SGCG: variants seen among roughly 807,000 people sequenced by gnomAD.
SGCG encodes sarcoglycan gamma.
SGCG carries 26 observed loss-of-function variants against 29.3 expected under a neutral mutation model. That is an observed-to-expected ratio of 0.89 (90% confidence interval 0.65 to 1.23). The LOEUF is 1.23. Among genes scored for constraint, SGCG ranks in the 50% most tolerant of loss-of-function variants. The pLI is 0.00. For missense variants in SGCG, 353 were observed against 356.0 expected (o/e 0.99, Z 0.07); for synonymous variants, 145 against 129.7 (o/e 1.12, Z -0.80).
At chr13:23,277,386 A>G (rs928559474) in intron 4 of SGCG, among the ~76,000 whole-genome samples, 3 of 149,300 alleles carry the variant, frequency 2.0e-5, no homozygotes, top group African/African-American at 7.4e-5. Context: ...ATAACATTAC[A>G]AATACCAAAA....
chr13:23,309,951 G>A (rs1397287214), intron 6 of SGCG, among the ~76,000 whole-genome samples: 1 of 151,606 alleles, frequency 6.6e-6, no homozygotes, highest in African/African-American at 2.4e-5. Flanking sequence ...ATTCATAAAT[G>A]TTTATGCTAA....
intron 2 of SGCG, among the ~76,000 whole-genome samples, chr13:23,220,365 G>A (rs1878609683): frequency 6.6e-6 from 1 of 152,146 alleles, no homozygotes; most frequent in Non-Finnish European, 1.5e-5. Flanking sequence ...CAGGAGAATT[G>A]CCTGAGCCAG....
At chr13:23,238,659 T>A (rs887777759) in intron 3 of SGCG, among the ~76,000 whole-genome samples, 5 of 152,098 alleles carry the variant, frequency 3.3e-5, no homozygotes, top group Admixed American at 3.3e-4. Flanking sequence ...ATTTGCTCCA[T>A]CCCAGAACAG....
At chr13:23,211,692 A>G (rs1387709697) in intron 2 of SGCG, among the ~76,000 whole-genome samples, 3 of 152,172 alleles carry the variant, frequency 2.0e-5, no homozygotes, top group Non-Finnish European at 4.4e-5. Context: ...TCTTGACCGC[A>G]GGCTGGGCAC....
chr13:23,193,010 A>G (rs777591177), intron 1 of SGCG, among the ~76,000 whole-genome samples: 117 of 152,292 alleles, frequency 7.7e-4, no homozygotes, highest in Non-Finnish European at 1.3e-3. Flanking sequence ...ATTATGTCCT[A>G]AAAGGAACTT....
chr13:23,265,327 C>T (rs1266286589), intron 4 of SGCG, among the ~76,000 whole-genome samples: 1 of 152,034 alleles, frequency 6.6e-6, no homozygotes, highest in Non-Finnish European at 1.5e-5. Context: ...GCCTGTAATC[C>T]CAGCACTTTG....
At chr13:23,290,557 A>C (rs1047877313) in intron 5 of SGCG, among the ~76,000 whole-genome samples, 1 of 152,162 alleles carries the variant, frequency 6.6e-6, no homozygotes, top group African/African-American at 2.4e-5. Context: ...TTTTCATTGG[A>C]GTAATAAAGG....
chr13:23,259,376 A>G (rs189714821), intron 4 of SGCG, among the ~76,000 whole-genome samples: 150 of 152,140 alleles, frequency 9.9e-4, no homozygotes, highest in Admixed American at 2.4e-3. Context: ...TTTCTGTGGG[A>G]TCGGTGGAGA....
At chr13:23,282,845 G>A (rs751938727) in intron 5 of SGCG, among the ~76,000 whole-genome samples, 6 of 152,126 alleles carry the variant, frequency 3.9e-5, no homozygotes, top group Admixed American at 1.3e-4. Context: ...GACATTTAGC[G>A]GCATTCTTAG....
the SGCG span, among the ~76,000 whole-genome samples, chr13:23,166,871 T>C: frequency 6.6e-6 from 1 of 152,366 alleles, no homozygotes; most frequent in African/African-American, 2.4e-5. Context: ...TCATAGAGAA[T>C]GGGGTATCCA....
At chr13:23,282,651 G>T (rs1401921339) in intron 5 of SGCG, among the ~76,000 whole-genome samples, 1 of 152,174 alleles carries the variant, frequency 6.6e-6, no homozygotes, top group Admixed American at 6.5e-5. Flanking sequence ...GTCCCTAGAA[G>T]GGCATGCATG....
At chr13:23,310,237 C>T (rs1440661532) in intron 6 of SGCG, among the ~76,000 whole-genome samples, 2 of 151,766 alleles carry the variant, frequency 1.3e-5, no homozygotes, top group Admixed American at 6.6e-5. Flanking sequence ...CAGGCGCCCG[C>T]CACCACACCC....
intron 2 of SGCG, among the ~76,000 whole-genome samples, chr13:23,211,951 G>A (rs1240802451): frequency 3.3e-5 from 5 of 152,086 alleles, no homozygotes; most frequent in Non-Finnish European, 7.3e-5. Flanking sequence ...TGGATCATGG[G>A]GGCAGGTCCT....
At chr13:23,243,493 G>A (rs1190264918) in intron 3 of SGCG, 1 of 152,270 alleles carries the variant, frequency 6.6e-6, no homozygotes, top group African/African-American at 2.4e-5. Context: ...AAGACAGTCT[G>A]AGAAAGCAGG....
intron 1 of SGCG, among the ~76,000 whole-genome samples, chr13:23,190,710 T>C (rs1877212937): frequency 1.3e-5 from 2 of 152,206 alleles, no homozygotes; most frequent in African/African-American, 4.8e-5. Context: ...ACCCACTATA[T>C]TTACAATCCA....
intron 3 of SGCG, among the ~76,000 whole-genome samples, chr13:23,241,938 C>G (rs369728275): frequency 6.6e-6 from 1 of 151,916 alleles, no homozygotes; most frequent in Non-Finnish European, 1.5e-5. Context: ...GAGAAGAAAT[C>G]AACAAAATAG....
chr13:23,175,563 C>T, the SGCG span, among the ~76,000 whole-genome samples: 44 of 152,162 alleles, frequency 2.9e-4, no homozygotes, highest in Admixed American at 1.5e-3. Flanking sequence ...TAACATAATA[C>T]GGAAATTTTA....
chr13:23,262,159 C>T (rs1880463523), intron 4 of SGCG, among the ~76,000 whole-genome samples: 1 of 151,992 alleles, frequency 6.6e-6, no homozygotes, highest in Admixed American at 6.6e-5. Context: ...CCTCACATCT[C>T]AATATTCACA....
intron 5 of SGCG, 23 bp from the exon 6 acceptor site, chr13:23,295,392 A>T: frequency 6.3e-7 from 1 of 1,577,006 alleles, no homozygotes; most frequent in Non-Finnish European, 8.7e-7. Context: ...TCTGCTCCTG[A>T]TACATCTTTG....
Sources: gnomAD v4.1 joint callset for allele counts (sites outside exome capture counted in the v4.1 genomes callset) on GRCh38, gnomAD v4.1.1 for gene constraint, MANE v1.5 for transcripts, NCBI Gene and HGNC (gene_info 2026-07-23, HGNC 2026-07-21) for gene names.